ADCY9: variants seen among roughly 807,000 people sequenced by gnomAD.
The protein encoded by ADCY9 is adenylate cyclase type 9.
In ADCY9, 50 loss-of-function variants were observed where a neutral mutation model predicts 101.5. That is an observed-to-expected ratio of 0.49 (90% CI 0.39 to 0.62). ADCY9 has a LOEUF of 0.62. Among genes scored for constraint, ADCY9 ranks in the 20% least tolerant of loss-of-function variants. The pLI, the probability that ADCY9 is intolerant of heterozygous loss-of-function variation, is 0.00. For synonymous variants in ADCY9, 905 were observed against 769.3 expected (o/e 1.18, Z -2.92); for missense variants, 1,662 against 1,800.4 (o/e 0.92, Z 1.39).
intron 2 of ADCY9, among the ~76,000 whole-genome samples, chr16:4,031,465 C>T (rs986182838): frequency 5.3e-5 from 8 of 152,244 alleles, no homozygotes; most frequent in South Asian, 2.1e-4. Flanking sequence ...ATATACACAC[C>T]TACACTGAGA....
Position 4,051,011 on chromosome 16 carries a change from G to A in ADCY9, c.1694-43453C>T, listed in dbSNP as rs372018504. The stretch of plus-strand genomic sequence containing the variant: ...GCAGATCACCTGAGGTTACAAGTTG[G>A]AGATCAGCCTGGCCAACATGGTGAA... On this transcript the variant is annotated intron_variant, in intron 2 of 10. Coordinates refer to ENST00000294016, the MANE Select transcript of ADCY9 (RefSeq NM_001116.4). Among the ~76,000 whole-genome samples, 4 of 151,850 alleles carry A rather than the reference G, an allele frequency of 2.6e-5. No individual in the cohort carries two copies. In the East Asian group the frequency reaches 5.9e-4, roughly 22 times the overall value.
At chr16:4,090,506 G>A (rs1011529100) in intron 2 of ADCY9, among the ~76,000 whole-genome samples, 1 of 152,042 alleles carries the variant, frequency 6.6e-6, no homozygotes, top group Non-Finnish European at 1.5e-5. Context: ...TATTAAGGAA[G>A]TGCTGTGGGA....
At chr16:4,027,718 A>G (rs899149619) in intron 2 of ADCY9, among the ~76,000 whole-genome samples, 10 of 152,104 alleles carry the variant, frequency 6.6e-5, no homozygotes, top group African/African-American at 1.2e-4. Context: ...CTCTACTAGT[A>G]AAACAAAAAT....
At chr16:4,108,087 T>C (rs1740054029) in intron 2 of ADCY9, among the ~76,000 whole-genome samples, 1 of 152,212 alleles carries the variant, frequency 6.6e-6, no homozygotes, top group Non-Finnish European at 1.5e-5. Context: ...GATATGACCA[T>C]GGGTGTGGAT....
At chr16:4,098,043 G>C (rs1042183866) in intron 2 of ADCY9, among the ~76,000 whole-genome samples, 2 of 152,042 alleles carry the variant, frequency 1.3e-5, no homozygotes, top group Non-Finnish European at 1.5e-5. Flanking sequence ...AGCTGGAAAA[G>C]AGAGTGGCTG....
chr16:4,012,657 T>C (rs974343806), intron 2 of ADCY9, among the ~76,000 whole-genome samples: 9 of 152,322 alleles, frequency 5.9e-5, no homozygotes, highest in Admixed American at 2.6e-4. Context: ...AATGGGCTCC[T>C]GTCTGACGGG....
At position 4,026,711 on chromosome 16, in the gene ADCY9, G is replaced by C. The variant is rs528377052; in HGVS notation, c.1694-19153C>G. Among the ~76,000 whole-genome samples the C allele has an allele frequency of 3.9e-5, 6 of 152,214 alleles. No homozygotes were observed. The East Asian group carries it at 1.2e-3, about 29-fold the overall frequency. Reference sequence around the variant, plus strand: ...GCAGCATCCAGGACGAATCTCAATAGCTCTAGACTAAGTGGAAGAAACCAG... The same window carrying C: ...GCAGCATCCAGGACGAATCTCAATACCTCTAGACTAAGTGGAAGAAACCAG... On this transcript the variant is annotated intron_variant, in intron 2 of 10. Coordinates refer to ENST00000294016, the MANE Select transcript of ADCY9 (RefSeq NM_001116.4).
chr16:3,994,931 A>T (rs1452687151), intron 3 of ADCY9, among the ~76,000 whole-genome samples: 2 of 152,302 alleles, frequency 1.3e-5, no homozygotes, highest in African/African-American at 4.8e-5. Flanking sequence ...TTCCAGATCT[A>T]GGCGTACTTA....
At chr16:4,011,045 G>A (rs2056400910) in intron 2 of ADCY9, among the ~76,000 whole-genome samples, 1 of 152,164 alleles carries the variant, frequency 6.6e-6, no homozygotes, top group Non-Finnish European at 1.5e-5. Flanking sequence ...CCCAGCCTAT[G>A]CTGTTCTGTT....
chr16:4,041,503 A>C (rs2056626292), intron 2 of ADCY9, among the ~76,000 whole-genome samples: 1 of 105,108 alleles, frequency 9.5e-6, no homozygotes, highest in African/African-American at 3.2e-5. Flanking sequence ...CCCGTATTAA[A>C]ACCAAAAAAA....
intron 2 of ADCY9, among the ~76,000 whole-genome samples, chr16:4,039,679 C>CAAAAAA (rs35158886): frequency 1.5e-5 from 1 of 64,644 alleles, no homozygotes. Context: ...AACTCTGTCT[C>CAAAAAA]AAAAAAAAAA....
At position 4,114,990 on chromosome 16, in the gene ADCY9, G is replaced by C; in HGVS notation, c.453C>G (p.Cys151Trp). 6.2e-7 allele frequency: 1 copy of C among 1,614,098 alleles called. No homozygotes were observed. The highest frequency in any genetic ancestry group is 8.5e-7 in the Non-Finnish European group (1 of 1,180,032). ...RLIVMVAPALCFLLVCVGFFL... is the reference protein window; with the variant it reads ...RLIVMVAPALWFLLVCVGFFL... ...AGAAGCCCACACACACCAGGAGGAA[G>C]CACAGCGCGGGGGCGACCATGACGA... Residue 151 changes from cysteine (C) to tryptophan (W), a missense_variant, in exon 2 of 11, where the codon TGC (cysteine) becomes TGG (tryptophan). By Grantham distance (215) the Cys-to-Trp change is radical (BLOSUM62 -2). Coordinates refer to ENST00000294016, the MANE Select transcript of ADCY9 (RefSeq NM_001116.4). The surrounding 1 kb of genome is among the most constrained non-coding windows in gnomAD (Gnocchi z 4.3).
At chr16:4,112,933 G>A (rs1166678307) in intron 2 of ADCY9, among the ~76,000 whole-genome samples, 1 of 151,958 alleles carries the variant, frequency 6.6e-6, no homozygotes, top group East Asian at 1.9e-4. Flanking sequence ...AAAACAAGCA[G>A]CCCAGTAAAA....
intron 2 of ADCY9, among the ~76,000 whole-genome samples, chr16:4,040,997 A>G (rs1567449723): frequency 1.3e-5 from 2 of 152,158 alleles, no homozygotes; most frequent in Non-Finnish European, 2.9e-5. Flanking sequence ...TTTTAAGTTG[A>G]AGGTAAATAC....
chr16:4,115,630 TGCTCCCACC>T lies in ADCY9; in HGVS notation c.-44+51_-44+59del. The T allele has an allele frequency of 1.4e-6, 1 of 698,778 alleles. No homozygotes were observed. Among genetic ancestry groups the T allele is most frequent in the Non-Finnish European group, 2.3e-6 (1 of 441,004 alleles). 43.3% of individuals were successfully genotyped at this position (698,778 alleles called of 1,614,324 possible). A position where few individuals can be genotyped will look rare whatever the true frequency, so the allele number is the denominator to read the frequency against. ...GTTCCTGTGGTTCCCGGCTCAGCGG[TGCTCCCACC>T]GCCCCCACCGCCCCCACCTTCGAGG... On this transcript the variant is annotated intron_variant, in intron 1 of 10. Transcript: ENST00000294016. This position sits in a 1 kb window ranked among gnomAD's most constrained non-coding sequence, Gnocchi z 6.2.
At chr16:4,047,283 C>CAAAG (rs201387328) in intron 2 of ADCY9, among the ~76,000 whole-genome samples, 3,130 of 150,690 alleles carry the variant, frequency 0.021, 119 homozygotes, top group African/African-American at 0.072. Context: ...GAGACTCCAT[C>CAAAG]AAAGAAAGAA....
chr16:4,036,483 G>C (rs867862562), intron 2 of ADCY9, among the ~76,000 whole-genome samples: 1 of 20,374 alleles, frequency 4.9e-5, no homozygotes, highest in Admixed American at 5.1e-4. Context: ...TTTTTTTTTT[G>C]AGACAATCTC....
At chr16:3,959,894 C>T (rs569645835), downstream of ADCY9, among the ~76,000 whole-genome samples, 8 of 151,962 alleles carry the variant, frequency 5.3e-5, no homozygotes, top group South Asian at 2.1e-4. Flanking sequence ...GGCGTGGTGG[C>T]GCATGCCTGT....
intron 3 of ADCY9, among the ~76,000 whole-genome samples, chr16:4,000,968 T>TACACACACACACACAC (rs141254290): frequency 0.033 from 4,076 of 125,130 alleles, 103 homozygotes; most frequent in Non-Finnish European, 0.037. Flanking sequence ...TCCCTCTCTC[T>TACACACACACACACAC]ACACACACAC....
Sources: gnomAD v4.1 joint callset for allele counts (sites outside exome capture counted in the v4.1 genomes callset) on GRCh38, gnomAD v4.1.1 for gene constraint, Gnocchi (gnomAD v3.1) non-coding constraint, MANE v1.5 for transcripts, NCBI Gene and HGNC (gene_info 2026-07-23, HGNC 2026-07-21) for gene names.